Variants in PAWR observed in about 807,000 individuals in gnomAD.
PAWR encodes PRKC apoptosis WT1 regulator protein.
PAWR carries 23 observed loss-of-function variants against 32.0 expected under a neutral mutation model. The observed-to-expected ratio is 0.72, with a 90% CI of 0.52 to 1.02. The LOEUF is 1.02. Among genes scored for constraint, PAWR ranks in the 50% least tolerant of loss-of-function variants. The pLI is 0.00. For missense variants in PAWR, 457 were observed against 437.7 expected (o/e 1.04, Z -0.39); for synonymous variants, 226 against 187.1 (o/e 1.21, Z -1.70).
intron 2 of PAWR, among the ~76,000 whole-genome samples, chr12:79,687,211 T>C (rs1202589216): frequency 6.6e-6 from 1 of 152,232 alleles, no homozygotes; most frequent in Non-Finnish European, 1.5e-5. Context: ...CCCAGTTTCC[T>C]ACCTCCCAAA....
At chr12:79,593,706 T>C (rs1471655740) in intron 6 of PAWR, among the ~76,000 whole-genome samples, 1 of 148,294 alleles carries the variant, frequency 6.7e-6, no homozygotes, top group Non-Finnish European at 1.5e-5. Flanking sequence ...TTAGGGTTTT[T>C]TTTTTTTTTT....
chr12:79,598,651 C>A (rs961101384), intron 4 of PAWR, among the ~76,000 whole-genome samples: 2 of 152,130 alleles, frequency 1.3e-5, no homozygotes, highest in African/African-American at 4.8e-5. Flanking sequence ...TTGATTGTAA[C>A]CTTTTCAAAT....
Position 79,585,092 on chromosome 12 carries a change from C to G in PAWR, c.*7515G>C. ...GGGGTTATGTCAGGATGCCAATGTC[C>G]ATGCTGAGGCTTCTCCTGATACAAT... On this transcript the variant is annotated 3_prime_UTR_variant, in exon 7 of 7. Coordinates refer to ENST00000328827, the MANE Select transcript of PAWR (RefSeq NM_002583.4). The G allele has an allele frequency of 2.3e-6, 1 of 430,564 alleles. No individual in the cohort carries two copies. Among genetic ancestry groups the G allele is most frequent in the East Asian group, 7.3e-5 (1 of 13,632 alleles). 26.7% of individuals were successfully genotyped at this position (430,564 alleles called of 1,614,324 possible).
intron 2 of PAWR, chr12:79,632,296 CAT>C (rs1190978680): frequency 2.7e-5 from 1 of 36,790 alleles, no homozygotes; most frequent in Non-Finnish European, 3.8e-5. Context: ...GAAATATATA[CAT>C]ATATATATAC....
intron 4 of PAWR, 26 bp downstream of exon 4, chr12:79,613,549 T>A: frequency 7.6e-7 from 1 of 1,317,458 alleles, no homozygotes; most frequent in Non-Finnish European, 1.1e-6. Context: ...ATGTCTACAA[T>A]ATGTTTAAGT....
intron 4 of PAWR, chr12:79,596,928 A>G (rs1414757835): frequency 3.0e-6 from 1 of 337,848 alleles, no homozygotes; most frequent in Non-Finnish European, 5.2e-6. Flanking sequence ...AAACACAAAC[A>G]TGGACTCTGC....
chr12:79,628,669 A>C (rs1042447570), intron 2 of PAWR, among the ~76,000 whole-genome samples: 4 of 152,196 alleles, frequency 2.6e-5, no homozygotes, highest in Non-Finnish European at 5.9e-5. Context: ...CTGTAAAGAA[A>C]AGGATACCGC....
At chr12:79,634,670 A>AGAACG in intron 2 of PAWR, among the ~76,000 whole-genome samples, 1 of 140,184 alleles carries the variant, frequency 7.1e-6, no homozygotes, top group African/African-American at 3.0e-5. Flanking sequence ...GAAAAAGAAC[A>AGAACG]GAATAGACAA....
chr12:79,637,698 G>A (rs899576390), intron 2 of PAWR, among the ~76,000 whole-genome samples: 3 of 151,662 alleles, frequency 2.0e-5, no homozygotes, highest in Admixed American at 6.6e-5. Flanking sequence ...AATATGCTAC[G>A]GTCTGCTACA....
intron 2 of PAWR, among the ~76,000 whole-genome samples, chr12:79,664,780 A>G (rs1384024115): frequency 2.0e-5 from 3 of 151,272 alleles, no homozygotes; most frequent in Non-Finnish European, 4.4e-5. Context: ...GATATGCGTC[A>G]TCATGTCTGG....
intron 2 of PAWR, among the ~76,000 whole-genome samples, chr12:79,659,573 A>G (rs2136819862): frequency 6.6e-6 from 1 of 152,304 alleles, no homozygotes; most frequent in African/African-American, 2.4e-5. Flanking sequence ...AAATAAGGCT[A>G]AAGTGTTAAT....
intron 2 of PAWR, among the ~76,000 whole-genome samples, chr12:79,648,802 A>T (rs1484190161): frequency 6.6e-6 from 1 of 151,696 alleles, no homozygotes; most frequent in East Asian, 1.9e-4. Flanking sequence ...AGAAAAAAAA[A>T]AATAAAAAAA....
At chr12:79,689,535 T>C (rs1878861232) in intron 2 of PAWR, among the ~76,000 whole-genome samples, 194 bp downstream of exon 2, 1 of 152,154 alleles carries the variant, frequency 6.6e-6, no homozygotes, top group Admixed American at 6.5e-5. Flanking sequence ...TGTCCTACTC[T>C]GAGTTTGGGG....
At chr12:79,646,354 T>G (rs80010377) in intron 2 of PAWR, among the ~76,000 whole-genome samples, 12,708 of 152,262 alleles carry the variant, frequency 0.083, 723 homozygotes, top group Non-Finnish European at 0.12. Flanking sequence ...CTGTAGATAC[T>G]GAACTAAAGA....
intron 5 of PAWR, 62 bp downstream of exon 5, chr12:79,596,449 G>A: frequency 1.2e-6 from 1 of 831,498 alleles, no homozygotes; most frequent in East Asian, 2.7e-5. Context: ...CAGTTGCTAT[G>A]AAACAAAAGA....
intron 2 of PAWR, among the ~76,000 whole-genome samples, chr12:79,681,466 C>T (rs980790896): frequency 6.6e-6 from 1 of 151,910 alleles, no homozygotes; most frequent in Non-Finnish European, 1.5e-5. Context: ...AAACATACAA[C>T]AAAAGATACA....
chr12:79,672,402 C>T (rs2136856829), intron 2 of PAWR, among the ~76,000 whole-genome samples: 1 of 152,240 alleles, frequency 6.6e-6, no homozygotes, highest in Non-Finnish European at 1.5e-5. Flanking sequence ...GTTCCCTCCA[C>T]CTAGAACTTT....
chr12:79,620,170 T>C (rs1249492977), intron 3 of PAWR, among the ~76,000 whole-genome samples: 1 of 152,174 alleles, frequency 6.6e-6, no homozygotes, highest in African/African-American at 2.4e-5. Flanking sequence ...GTATGATATA[T>C]TGTTGAAGAT....
chr12:79,677,152 AAGG>A (rs201513161), intron 2 of PAWR, among the ~76,000 whole-genome samples: 2,946 of 152,318 alleles, frequency 0.019, 41 homozygotes, highest in Non-Finnish European at 0.026. Flanking sequence ...ATGTACTAAC[AAGG>A]TAGTAAATGT....
Sources: allele counts gnomAD v4.1 joint callset (sites outside exome capture counted in the v4.1 genomes callset), GRCh38; gene constraint gnomAD v4.1.1; transcripts MANE v1.5; gene names NCBI Gene and HGNC (gene_info 2026-07-23, HGNC 2026-07-21).